Variants in LAMP2 observed in about 807,000 individuals in gnomAD.
The protein encoded by LAMP2 is lysosome-associated membrane glycoprotein 2.
Under a neutral mutation model 25.6 loss-of-function variants are expected in LAMP2, and 4 were observed. That is an observed-to-expected ratio of 0.16 (90% CI 0.08 to 0.36). The LOEUF (loss-of-function observed/expected upper bound fraction) is 0.36. Ranked by LOEUF, LAMP2 falls within the 10% of genes least tolerant of loss-of-function variation. LAMP2 has a pLI of 1.00. For synonymous variants in LAMP2, 108 were observed against 112.7 expected (o/e 0.96, Z 0.27); for missense variants, 272 against 301.4 (o/e 0.90, Z 0.72).
chrX:120,442,529 A>G (rs2058578047), intron 7 of LAMP2, 70 bp downstream of exon 7: 1 of 879,532 alleles, frequency 1.1e-6, no homozygotes, highest in African/African-American at 2.0e-5. Flanking sequence ...ATTTGGTAAT[A>G]AGACCATTGT....
intron 5 of LAMP2, among the ~76,000 whole-genome samples, chrX:120,446,754 C>G (rs1436144013): frequency 9.0e-6 from 1 of 111,579 alleles, no homozygotes; most frequent in Admixed American, 9.5e-5. Context: ...TTGGCAATCC[C>G]TCTACAGCCT....
rs1467793950 is a variant in LAMP2 at position 120,430,481 on chromosome X, C to G, written c.*842G>C. 1.3e-6 allele frequency: 1 copy of G among 750,360 alleles called. No homozygotes were observed. Among genetic ancestry groups the G allele is most frequent in the Non-Finnish European group, 1.6e-6 (1 of 636,361 alleles). The allele number at this position is 750,360 out of a possible 1,213,427, so 61.8% of individuals were successfully genotyped here. A position where few individuals can be genotyped will look rare whatever the true frequency, so the allele number is the denominator to read the frequency against. On this transcript the variant is annotated 3_prime_UTR_variant, in exon 9 of 9. Coordinates refer to ENST00000200639, the MANE Select transcript of LAMP2 (RefSeq NM_002294.3). ...ATGAGGTAGAGAAACACAACACAAT[C>G]TGTCCTAATTAGTTCATAGAATATT...
At chrX:120,454,587 C>A (rs760382656) in intron 3 of LAMP2, among the ~76,000 whole-genome samples, 1 of 109,283 alleles carries the variant, frequency 9.2e-6, no homozygotes, top group African/African-American at 3.3e-5. Flanking sequence ...ACACCCCCCC[C>A]AACCCCCGAT....
Position 120,430,353 on chromosome X carries a change from A to G in LAMP2, c.*970T>C. 1.3e-6 allele frequency: 1 copy of G among 754,735 alleles called. No individual in the cohort carries two copies. Among genetic ancestry groups the G allele is most frequent in the Non-Finnish European group, 1.6e-6 (1 of 639,413 alleles). 62.2% of individuals were successfully genotyped at this position (754,735 alleles called of 1,213,427 possible). A position where few individuals can be genotyped will look rare whatever the true frequency, so the allele number is the denominator to read the frequency against. On this transcript the variant is annotated 3_prime_UTR_variant, in exon 9 of 9. Transcript: ENST00000200639. ...TTGAAGAAACAAGAGCCTAGTTGCT[A>G]TGCTTCACTGCCTCCCTTCTGAGAT...
At position 120,442,671 on chromosome X, in the gene LAMP2, A is replaced by G. The variant is rs1057522838; in HGVS notation, c.865-9T>C. ...AATCGGTTTTCATTTTTCTGTTTGA[A>G]AAAGAGCTTCCAGTTAATTAACATT... is the stretch of plus-strand genomic sequence containing the variant. On this transcript the variant is annotated splice_polypyrimidine_tract_variant and intron_variant, in intron 6 of 8. Coordinates refer to ENST00000200639, the MANE Select transcript of LAMP2 (RefSeq NM_002294.3). The G allele has an allele frequency of 1.7e-6, 2 of 1,183,436 alleles. No individual in the cohort carries two copies. The highest frequency in any genetic ancestry group is 4.3e-5 in the Admixed American group (2 of 46,035).
chrX:120,430,292 A>T lies in LAMP2; in HGVS notation c.*1031T>A, dbSNP rs903930986. ...ATTTTAATGCCAACAGCTTCTCTTT[A>T]CACCCCCATCTATGCACTGCCCCAC... On this transcript the variant is annotated 3_prime_UTR_variant, in exon 9 of 9. Coordinates refer to ENST00000200639, the MANE Select transcript of LAMP2 (RefSeq NM_002294.3). The T allele has an allele frequency of 1.3e-6, 1 of 753,265 alleles. No homozygotes were observed. Among genetic ancestry groups the T allele is most frequent in the African/African-American group, 2.3e-5 (1 of 43,473 alleles). 62.1% of individuals were successfully genotyped at this position (753,265 alleles called of 1,213,427 possible). A position where few individuals can be genotyped will look rare whatever the true frequency, so the allele number is the denominator to read the frequency against.
chrX:120,444,605 A>C (rs2058588378), intron 6 of LAMP2, among the ~76,000 whole-genome samples: 1 of 111,705 alleles, frequency 9.0e-6, no homozygotes, highest in South Asian at 3.8e-4. Flanking sequence ...AGCACTTTGT[A>C]CTATTCTCTG....
Position 120,431,435 on chromosome X carries a change from T to G in LAMP2, c.1121A>C (p.Asn374Thr), listed in dbSNP as rs1218791353. Residue 374 changes from asparagine to threonine, a missense_variant, in exon 9 of 9, where the codon AAC becomes ACC. Transcript: ENST00000200639. ...TCCCACCGCTATGGGCACAAGGAAGTTGTCGTCATCTGCACTGCAGTCTTG... is the reference window on the plus strand; with the variant it reads ...TCCCACCGCTATGGGCACAAGGAAGGTGTCGTCATCTGCACTGCAGTCTTG... Reference protein sequence around the residue: ...TAQDCSADDDNFLVPIAVGAA... With the variant: ...TAQDCSADDDTFLVPIAVGAA... The G allele has an allele frequency of 1.7e-6, 2 of 1,210,869 alleles. No homozygotes were observed. The highest frequency in any genetic ancestry group is 3.5e-5 in the South Asian group (2 of 56,975).
chrX:120,447,339 C>T (rs1184620843), intron 5 of LAMP2, among the ~76,000 whole-genome samples: 2 of 110,307 alleles, frequency 1.8e-5, no homozygotes, highest in African/African-American at 3.3e-5. Flanking sequence ...ACCCTGGAGG[C>T]GGAGGTTGCA....
At chrX:120,443,207 A>G (rs1248771502) in intron 6 of LAMP2, among the ~76,000 whole-genome samples, 1 of 111,805 alleles carries the variant, frequency 8.9e-6, no homozygotes, top group East Asian at 2.8e-4. Context: ...CAAAAAAGAA[A>G]GTGAGAAGTC....
At position 120,429,037 on chromosome X, in the gene LAMP2, T is replaced by TA; in HGVS notation, c.*2285dup. 1 of 597,921 alleles carries TA rather than the reference T, an allele frequency of 1.7e-6. No individual in the cohort carries two copies. Among genetic ancestry groups the TA allele is most frequent in the Non-Finnish European group, 2.0e-6 (1 of 498,856 alleles). The allele number at this position is 597,921 out of a possible 1,213,427, so 49.3% of individuals were successfully genotyped here. A position where few individuals can be genotyped will look rare whatever the true frequency, so the allele number is the denominator to read the frequency against. On this transcript the variant is annotated 3_prime_UTR_variant, in exon 9 of 9. Coordinates refer to ENST00000200639, the MANE Select transcript of LAMP2 (RefSeq NM_002294.3). Reference sequence around the variant, plus strand: ...TCTGTATAAGTAATAAAATTTAAGTTAAAAAAGACTTAGGATCAAGAATGT... The same window carrying TA: ...TCTGTATAAGTAATAAAATTTAAGTTAAAAAAAGACTTAGGATCAAGAATGT...
At chrX:120,445,543 TG>T (rs2058592142) in intron 6 of LAMP2, among the ~76,000 whole-genome samples, 1 of 112,538 alleles carries the variant, frequency 8.9e-6, no homozygotes, top group African/African-American at 3.2e-5. Flanking sequence ...TGAGAATAGT[TG>T]GTGGTTCAAC....
Position 120,431,297 on chromosome X carries a change from T to C in LAMP2, c.*26A>G, listed in dbSNP as rs1315522163. On this transcript the variant is annotated 3_prime_UTR_variant, in exon 9 of 9. Transcript: ENST00000200639. Reference sequence around the variant, plus strand: ...AAAATCTTGTTATTTGCATGTATTTTTATATAATCAATCAGGTTGCAGATT... The same window carrying C: ...AAAATCTTGTTATTTGCATGTATTTCTATATAATCAATCAGGTTGCAGATT... 8.3e-7 allele frequency: 1 copy of C among 1,208,529 alleles called. No individual in the cohort carries two copies. The highest frequency in any genetic ancestry group is 2.3e-4 in the Middle Eastern group (1 of 4,360).
chrX:120,447,873 T>C lies in LAMP2; in HGVS notation c.709A>G (p.Met237Val), dbSNP rs746678211. The stretch of plus-strand genomic sequence containing the variant: ...TGAGTGATGTTCAGCTGCAGCCCCA[T>C]GGTAGCCAGCAGACAAGTATCATTG... ...NGNDTCLLAT[M>V]GLQLNITQDK... The change falls in exon 5 of 9, where the codon ATG becomes GTG. Residue 237 changes from methionine to valine, a missense_variant. By Grantham distance (21) the Met-to-Val change is conservative (BLOSUM62 1). Coordinates refer to ENST00000200639, the MANE Select transcript of LAMP2 (RefSeq NM_002294.3). The C allele has an allele frequency of 1.7e-6, 2 of 1,210,965 alleles. No homozygotes were observed. Among genetic ancestry groups the C allele is most frequent in the Non-Finnish European group, 2.2e-6 (2 of 894,716 alleles).
chrX:120,449,197 G>T, intron 3 of LAMP2, 69 bp from the exon 4 acceptor site: 1 of 874,209 alleles, frequency 1.1e-6, no homozygotes, highest in Non-Finnish European at 1.7e-6. Context: ...AAATATATTT[G>T]TATAGGCTTT....
At chrX:120,467,319 C>T in intron 1 of LAMP2, among the ~76,000 whole-genome samples, 1 of 111,524 alleles carries the variant, frequency 9.0e-6, no homozygotes. Flanking sequence ...TCTTTGTTGT[C>T]AGGGGCTGCC....
upstream of LAMP2, chrX:120,469,305 G>T: frequency 1.7e-6 from 1 of 605,010 alleles, no homozygotes; most frequent in Non-Finnish European, 2.7e-6. Context: ...GCCAGGAATC[G>T]GCGCTTCAGT....
chrX:120,441,991 C>T (rs2058574844), intron 7 of LAMP2, 97 bp from the exon 8 acceptor site: 2 of 818,780 alleles, frequency 2.4e-6, no homozygotes, highest in Non-Finnish European at 3.7e-6. Flanking sequence ...GTAATTCCAG[C>T]ACTTTGGGAA....
intron 8 of LAMP2, among the ~76,000 whole-genome samples, chrX:120,435,519 C>A (rs1351589419): frequency 1.8e-5 from 2 of 112,225 alleles, no homozygotes; most frequent in Non-Finnish European, 3.8e-5. Flanking sequence ...TTAAGTGGTA[C>A]ATTTTACACT....
Sources: allele counts gnomAD v4.1 joint callset (sites outside exome capture counted in the v4.1 genomes callset), GRCh38; gene constraint gnomAD v4.1.1; transcripts MANE v1.5; gene names NCBI Gene and HGNC (gene_info 2026-07-23, HGNC 2026-07-21).